PACRG: variants seen among roughly 807,000 people sequenced by gnomAD.
PACRG encodes parkin coregulated.
Under a neutral mutation model 29.7 loss-of-function variants are expected in PACRG, and 29 were observed. The ratio of observed to expected loss-of-function variants is 0.98; its 90% CI spans 0.73 to 1.33. The LOEUF is 1.33. Among genes scored for constraint, PACRG ranks in the 40% most tolerant of loss-of-function variants. The pLI is 0.00. For synonymous variants in PACRG, 116 were observed against 118.7 expected (o/e 0.98, Z 0.15); for missense variants, 279 against 316.2 (o/e 0.88, Z 0.89).
intron 2 of PACRG, among the ~76,000 whole-genome samples, chr6:163,014,731 A>G (rs1056255116): frequency 6.6e-6 from 1 of 152,026 alleles, no homozygotes; most frequent in Non-Finnish European, 1.5e-5. Context: ...TAAGTTCGTT[A>G]TAGGTTCTAA....
At chr6:163,223,763 T>C (rs1781677378) in intron 4 of PACRG, among the ~76,000 whole-genome samples, 1 of 152,182 alleles carries the variant, frequency 6.6e-6, no homozygotes, top group Non-Finnish European at 1.5e-5. Context: ...AGAAGAAACA[T>C]GCTTAGGGAG....
intron 4 of PACRG, among the ~76,000 whole-genome samples, chr6:163,192,698 T>A (rs1780269133): frequency 6.6e-6 from 1 of 152,216 alleles, no homozygotes; most frequent in Non-Finnish European, 1.5e-5. Context: ...CTGACATGGA[T>A]GGCTTATGTG....
At chr6:162,754,787 G>T (rs1781774776) in intron 1 of PACRG, among the ~76,000 whole-genome samples, 1 of 152,076 alleles carries the variant, frequency 6.6e-6, no homozygotes, top group Non-Finnish European at 1.5e-5. Context: ...AAATGCATGG[G>T]TTTTCATGTC....
rs1230759370 is a variant in PACRG at position 162,741,548 on chromosome 6, T to C, written c.156+13157T>C. Among the ~76,000 whole-genome samples the C allele has an allele frequency of 4.6e-5, 7 of 152,160 alleles. No individual in the cohort carries two copies. The South Asian group carries it at 1.5e-3, about 32-fold the overall frequency. On this transcript the variant is annotated intron_variant, in intron 1 of 4. Transcript: ENST00000366888. The stretch of plus-strand genomic sequence containing the variant: ...CTCTCTCTCTTTCTTGTAGAGCCAC[T>C]AATCCTGGCCTAAAGGCCCCATTCT...
intron 1 of PACRG, among the ~76,000 whole-genome samples, chr6:162,802,359 A>T (rs1351546884): frequency 1.3e-5 from 2 of 152,118 alleles, no homozygotes; most frequent in Admixed American, 6.6e-5. Flanking sequence ...TAGATCCCCA[A>T]ATTCATATTT....
chr6:162,820,515 A>T (rs2128374269), intron 2 of PACRG, among the ~76,000 whole-genome samples: 1 of 152,326 alleles, frequency 6.6e-6, no homozygotes, highest in South Asian at 2.1e-4. Flanking sequence ...ACTGCATTTT[A>T]AAGTAAATCA....
intron 2 of PACRG, among the ~76,000 whole-genome samples, chr6:162,862,535 T>C (rs1395439932): frequency 6.6e-6 from 1 of 152,222 alleles, no homozygotes; most frequent in Non-Finnish European, 1.5e-5. Context: ...AGAATTTCAA[T>C]TTAATGTGCC....
intron 4 of PACRG, among the ~76,000 whole-genome samples, chr6:163,248,596 A>G (rs2128171251): frequency 6.6e-6 from 1 of 152,284 alleles, no homozygotes; most frequent in East Asian, 1.9e-4. Flanking sequence ...GCTGCATGGC[A>G]ATTGCTTTCC....
chr6:163,062,075 C>T, intron 2 of PACRG, 75 bp from the exon 3 acceptor site: 1 of 1,506,224 alleles, frequency 6.6e-7, no homozygotes. Context: ...GAGTGGGTGA[C>T]AGCTGCATAG....
chr6:163,273,962 G>A (rs1384901299), intron 4 of PACRG, among the ~76,000 whole-genome samples: 2 of 151,896 alleles, frequency 1.3e-5, no homozygotes, highest in East Asian at 3.9e-4. Context: ...TTTTCTCTGA[G>A]CATTTTAGTG....
intron 2 of PACRG, among the ~76,000 whole-genome samples, chr6:162,850,909 C>T (rs1307274456): frequency 3.3e-5 from 5 of 152,158 alleles, no homozygotes; most frequent in East Asian, 1.9e-4. Context: ...GACAGTCTTG[C>T]GGGCCTGAGC....
intron 1 of PACRG, among the ~76,000 whole-genome samples, chr6:162,782,342 G>A (rs943990031): frequency 1.3e-5 from 2 of 151,872 alleles, no homozygotes; most frequent in South Asian, 4.1e-4. Flanking sequence ...TAGTAAGGAT[G>A]TAGGCAATTA....
intron 4 of PACRG, among the ~76,000 whole-genome samples, chr6:163,311,454 T>C (rs2128193828): frequency 6.6e-6 from 1 of 152,350 alleles, no homozygotes; most frequent in African/African-American, 2.4e-5. Flanking sequence ...CAAACGTATT[T>C]TTCACGTGTC....
At chr6:162,791,772 C>T (rs1784970426) in intron 1 of PACRG, among the ~76,000 whole-genome samples, 1 of 152,080 alleles carries the variant, frequency 6.6e-6, no homozygotes, top group Admixed American at 6.6e-5. Context: ...ATGGGGAATG[C>T]AGAAGGTAAT....
At chr6:162,868,195 C>T (rs1031838587) in intron 2 of PACRG, among the ~76,000 whole-genome samples, 3 of 152,132 alleles carry the variant, frequency 2.0e-5, no homozygotes, top group South Asian at 2.1e-4. Context: ...ACACGGTGTT[C>T]CTAGATCCAG....
chr6:163,186,984 C>T (rs1779969389), intron 4 of PACRG, among the ~76,000 whole-genome samples: 1 of 152,220 alleles, frequency 6.6e-6, no homozygotes, highest in Non-Finnish European at 1.5e-5. Context: ...CCCCACTTCA[C>T]GGGCTCTGTC....
intron 2 of PACRG, among the ~76,000 whole-genome samples, chr6:162,994,321 A>G (rs1479968454): frequency 6.6e-6 from 1 of 150,640 alleles, no homozygotes; most frequent in East Asian, 1.9e-4. Context: ...CTCCTGGATA[A>G]TATCCTGTAG....
intron 1 of PACRG, among the ~76,000 whole-genome samples, chr6:162,807,877 C>G (rs1786493246): frequency 6.6e-6 from 1 of 152,144 alleles, no homozygotes; most frequent in Non-Finnish European, 1.5e-5. Flanking sequence ...ATGAATGTCT[C>G]TACGTATCCG....
chr6:163,158,909 G>T (rs1184371550), intron 4 of PACRG, among the ~76,000 whole-genome samples: 3 of 152,036 alleles, frequency 2.0e-5, no homozygotes, highest in Non-Finnish European at 4.4e-5. Context: ...TATTGATCGT[G>T]CTGCCATATT....
Sources: allele counts gnomAD v4.1 joint callset (sites outside exome capture counted in the v4.1 genomes callset), GRCh38; gene constraint gnomAD v4.1.1; transcripts MANE v1.5; gene names NCBI Gene and HGNC (gene_info 2026-07-23, HGNC 2026-07-21).